Variants in NT5DC4 observed in about 807,000 individuals in gnomAD.
The protein encoded by NT5DC4 is 5'-nucleotidase domain-containing protein 4.
Under a neutral mutation model 26.6 loss-of-function variants are expected in NT5DC4, and 44 were observed. The observed-to-expected ratio is 1.65, with a 90% CI of 1.30 to 2.13. The LOEUF is 2.13. Ranked by LOEUF, NT5DC4 falls within the 30% of genes most tolerant of loss-of-function variation. NT5DC4 has a pLI of 0.00. For synonymous variants in NT5DC4, 157 were observed against 86.7 expected (o/e 1.81, Z -4.51); for missense variants, 399 against 228.1 (o/e 1.75, Z -4.83).
At chr2:112,719,840 T>C (rs570479311), upstream of NT5DC4, among the ~76,000 whole-genome samples, 79 of 78,392 alleles carry the variant, frequency 1.0e-3, 1 homozygote, top group Middle Eastern at 7.7e-3. Context: ...CCTTCCTTCC[T>C]TCCCTCCCTC....
chr2:112,740,458 T>C (rs548233884), downstream of NT5DC4, among the ~76,000 whole-genome samples: 1 of 152,234 alleles, frequency 6.6e-6, no homozygotes, highest in Non-Finnish European at 1.5e-5. Context: ...AGTCTCTGAC[T>C]AGTACATACT....
chr2:112,725,804 T>G (rs1677627291), intron 13 of NT5DC4, among the ~76,000 whole-genome samples: 1 of 152,018 alleles, frequency 6.6e-6, no homozygotes, highest in Non-Finnish European at 1.5e-5. Flanking sequence ...AAGAATCCCG[T>G]GGTGTTTCTG....
At chr2:112,719,978 CTTTCTTTCTT>C (rs1676733945), upstream of NT5DC4, among the ~76,000 whole-genome samples, 1 of 81,764 alleles carries the variant, frequency 1.2e-5, no homozygotes, top group African/African-American at 5.3e-5. Flanking sequence ...TTCTTTCTTT[CTTTCTTTCTT>C]TTTCTTTTCT....
intron 15 of NT5DC4, among the ~76,000 whole-genome samples, chr2:112,729,070 C>T (rs1027587070): frequency 3.6e-4 from 55 of 152,298 alleles, no homozygotes; most frequent in South Asian, 1.2e-3. Context: ...ACCCCCCATC[C>T]CCAAAAGTGA....
rs903640345 is a variant in NT5DC4, at chr2:112,735,580, T to C, written c.1345-3333T>C. Among the ~76,000 whole-genome samples, 5 of 152,042 alleles carry C rather than the reference T, an allele frequency of 3.3e-5. No homozygotes were observed. The East Asian group carries it at 9.7e-4, about 29-fold the overall frequency. ...TTAGACTTATTTTTGCAAAGGCCCA[T>C]ATTTCCACTACAATTCCCTATGAAT... On this transcript the variant is annotated intron_variant, in intron 16 of 16. Transcript: ENST00000688554.
At chr2:112,742,770 C>A, downstream of NT5DC4, 1 of 1,602,958 alleles carries the variant, frequency 6.2e-7, no homozygotes, top group Admixed American at 1.7e-5. Context: ...CTTGTATTGG[C>A]TGGAAGGAAG....
downstream of NT5DC4, among the ~76,000 whole-genome samples, chr2:112,740,286 C>T (rs1311989803): frequency 6.6e-6 from 1 of 152,094 alleles, no homozygotes; most frequent in East Asian, 1.9e-4. Flanking sequence ...TGTCTTGGTG[C>T]CCTTGTTTGG....
rs1053629407 is a variant in NT5DC4, at chr2:112,726,173, G to T, written c.1154-65G>T. On this transcript the variant is annotated intron_variant, in intron 13 of 16. Coordinates refer to ENST00000688554, the MANE Select transcript of NT5DC4 (RefSeq NM_001393655.1). ...CTCCGCTGGGCCAGGGCAGACACAGGCAGGCAGGGCCAGTGGGTGACACAG... is the reference window on the plus strand; with the variant it reads ...CTCCGCTGGGCCAGGGCAGACACAGTCAGGCAGGGCCAGTGGGTGACACAG... 115 of 715,562 alleles carry T rather than the reference G, an allele frequency of 1.6e-4. 2 individuals carry two copies. Among genetic ancestry groups the T allele is most frequent in the South Asian group, 7.3e-4 (49 of 67,490 alleles). 44.3% of individuals were successfully genotyped at this position (715,562 alleles called of 1,614,324 possible). A position where few individuals can be genotyped will look rare whatever the true frequency, so the allele number is the denominator to read the frequency against.
At chr2:112,724,298 C>T in intron 10 of NT5DC4, 172 bp downstream of exon 10, 1 of 644,048 alleles carries the variant, frequency 1.6e-6, no homozygotes, top group Middle Eastern at 4.0e-4. Flanking sequence ...GGGTAGGAGC[C>T]TGGTGACCTC....
chr2:112,720,153 G>T (rs1405132327), upstream of NT5DC4, among the ~76,000 whole-genome samples: 1 of 149,726 alleles, frequency 6.7e-6, no homozygotes, highest in African/African-American at 2.5e-5. Context: ...CAATTCTCCT[G>T]CCTCAGCCTC....
chr2:112,742,739 T>C, downstream of NT5DC4: 1 of 1,609,362 alleles, frequency 6.2e-7, no homozygotes, highest in Non-Finnish European at 8.5e-7. Context: ...TGCAAGATAT[T>C]AAGAACAACT....
intron 15 of NT5DC4, among the ~76,000 whole-genome samples, chr2:112,727,907 T>A (rs931653291): frequency 2.0e-5 from 3 of 152,380 alleles, no homozygotes; most frequent in African/African-American, 7.2e-5. Flanking sequence ...TGCCGACCTC[T>A]ACACTGCCGC....
At position 112,725,576 on chromosome 2, in the gene NT5DC4, G is replaced by C. The variant is rs17040306; in HGVS notation, c.1153+24G>C. On this transcript the variant is annotated intron_variant, in intron 13 of 16. Coordinates refer to ENST00000688554, the MANE Select transcript of NT5DC4 (RefSeq NM_001393655.1). ...GGGTGAGCTGTTGGGGTCTGGAACA[G>C]TCAGAGGGGCACTGGCCTCCCATGC... is the stretch of plus-strand genomic sequence containing the variant. The C allele has an allele frequency of 4.4e-3, 2,965 of 678,122 alleles. 61 individuals are homozygous for C. The African/African-American group carries it at 0.047, about 11-fold the overall frequency. The allele number at this position is 678,122 out of a possible 1,614,324, so 42.0% of individuals were successfully genotyped here. A position where few individuals can be genotyped will look rare whatever the true frequency, so the allele number is the denominator to read the frequency against.
upstream of NT5DC4, among the ~76,000 whole-genome samples, chr2:112,720,213 C>T (rs1676763780): frequency 1.4e-5 from 1 of 71,666 alleles, no homozygotes; most frequent in South Asian, 8.1e-4. Context: ...CCTCAGGCTC[C>T]CAAGAGGGCA....
In NT5DC4 at chr2:112,729,670, A is replaced by G. The variant is rs1348247513; in HGVS notation, c.1310A>G (p.Asp437Gly). The G allele has an allele frequency of 1.4e-6, 1 of 717,822 alleles. No homozygotes were observed. The highest frequency in any genetic ancestry group is 2.7e-5 in the East Asian group (1 of 37,282). 44.5% of individuals were successfully genotyped at this position (717,822 alleles called of 1,614,324 possible). The stretch of plus-strand genomic sequence containing the variant: ...GTGGAGCAAGAACAGGCCAATCTAG[A>G]CCCTGCCTCCTGCCTCCTCTCCTGC... ...SVVEQEQANL[D>G]PASCLLSCNQ... The change falls in exon 16 of 17, where the codon GAC (aspartate) becomes GGC (glycine). Residue 437 changes from aspartate to glycine, a missense_variant. Asp to Gly is a moderately conservative substitution (Grantham distance 94). Coordinates refer to ENST00000688554, the MANE Select transcript of NT5DC4 (RefSeq NM_001393655.1).
chr2:112,723,978 C>G, intron 9 of NT5DC4, 116 bp from the exon 10 acceptor site: 1 of 704,756 alleles, frequency 1.4e-6, no homozygotes, highest in East Asian at 2.7e-5. Flanking sequence ...GAAGAATGAG[C>G]AACTTTCTCA....
At chr2:112,720,012 C>CTTTTCCCTT (rs1553430484), upstream of NT5DC4, among the ~76,000 whole-genome samples, 3 of 97,688 alleles carry the variant, frequency 3.1e-5, no homozygotes, top group South Asian at 3.2e-4. Flanking sequence ...CTTTTCTTTT[C>CTTTTCCCTT]CCTTCCTTCC....
At chr2:112,736,465 G>T (rs1679186462) in intron 16 of NT5DC4, 1 of 152,086 alleles carries the variant, frequency 6.6e-6, no homozygotes, top group South Asian at 2.1e-4. Flanking sequence ...TATCATCTCA[G>T]TTTTTTTGTG....
In NT5DC4 at chr2:112,734,161, T is replaced by TTA. The variant is rs80003389; in HGVS notation, c.1344+4465_1344+4466dup. Among the ~76,000 whole-genome samples the TTA allele has an allele frequency of 2.3e-3, 326 of 141,358 alleles. 2 individuals are homozygous for TTA. The highest frequency in any genetic ancestry group is 5.2e-3 in the African/African-American group (196 of 37,382). The allele number at this position is 141,358 out of a possible 152,430, so 92.7% of individuals were successfully genotyped here. On this transcript the variant is annotated intron_variant, in intron 16 of 16. Coordinates refer to ENST00000688554, the MANE Select transcript of NT5DC4 (RefSeq NM_001393655.1). ...CACTAAATAAGTGTTTTCTATGCTA[T>TTA]TATATATATGTGTGTGTGTGTGTGT...
Sources: allele counts gnomAD v4.1 joint callset (sites outside exome capture counted in the v4.1 genomes callset), GRCh38; gene constraint gnomAD v4.1.1; transcripts MANE v1.5; gene names NCBI Gene and HGNC (gene_info 2026-07-23, HGNC 2026-07-21).